The following TOPAZ1 variants were observed in gnomAD, a reference collection of about 807,000 sequenced individuals.
TOPAZ1 encodes protein TOPAZ1.
In TOPAZ1, 66 loss-of-function variants were observed where a neutral mutation model predicts 172.2. That is an observed-to-expected ratio of 0.38 (90% confidence interval 0.31 to 0.47). The LOEUF is 0.47. Ranked by LOEUF, TOPAZ1 falls within the 20% of genes least tolerant of loss-of-function variation. TOPAZ1 has a pLI of 0.99. For missense variants in TOPAZ1, 1,822 were observed against 1,972.4 expected (o/e 0.92, Z 1.44); for synonymous variants, 681 against 683.9 (o/e 1.00, Z 0.07).
intron 19 of TOPAZ1, among the ~76,000 whole-genome samples, chr3:44,331,582 C>T (rs531279638): frequency 4.6e-5 from 7 of 152,168 alleles, no homozygotes; most frequent in African/African-American, 7.2e-5. Flanking sequence ...CCAACCTGAG[C>T]GTCCAAAGCG....
At chr3:44,321,596 CA>C (rs1282628974) in intron 17 of TOPAZ1, among the ~76,000 whole-genome samples, 1 of 152,162 alleles carries the variant, frequency 6.6e-6, no homozygotes, top group Non-Finnish European at 1.5e-5. Flanking sequence ...ATGCCAAGTT[CA>C]AACGCCAATG....
intron 5 of TOPAZ1, among the ~76,000 whole-genome samples, chr3:44,263,344 A>G (rs765004986): frequency 3.9e-5 from 6 of 152,224 alleles, no homozygotes; most frequent in Non-Finnish European, 7.3e-5. Context: ...GTAATTGCAG[A>G]CTGCAAAGGT....
chr3:44,290,674 C>A, intron 11 of TOPAZ1, 97 bp from the exon 12 acceptor site: 1 of 681,424 alleles, frequency 1.5e-6, no homozygotes. Context: ...CCATGTTTCA[C>A]TTCTTCCATT....
At chr3:44,275,855 A>G (rs1699947775) in intron 8 of TOPAZ1, among the ~76,000 whole-genome samples, 1 of 151,964 alleles carries the variant, frequency 6.6e-6, no homozygotes, top group Non-Finnish European at 1.5e-5. Context: ...CATCCTCACC[A>G]ACATTTGTTA....
chr3:44,306,552 C>A, intron 15 of TOPAZ1, 126 bp downstream of exon 15: 1 of 530,752 alleles, frequency 1.9e-6, no homozygotes, highest in South Asian at 3.6e-5. Context: ...TAAAGTGGGA[C>A]CCAGACTAGT....
chr3:44,243,631 A>T lies in TOPAZ1; in HGVS notation c.1125A>T (p.Lys375Asn), dbSNP rs1394743726. Residue 375 changes from lysine to asparagine, a missense_variant, in exon 2 of 20, where the codon AAA becomes AAT. Physicochemically the swap from Lys to Asn is moderately conservative, Grantham distance 94. Transcript: ENST00000309765. ...MIADGKEAET[K>N]SPLNVLRKVS... ...CTGATGGTAAAGAAGCAGAGACTAA[A>T]AGTCCTTTAAATGTTTTGAGAAAAG... The T allele has an allele frequency of 6.5e-7, 1 of 1,550,024 alleles. No individual in the cohort carries two copies. The highest frequency in any genetic ancestry group is 8.7e-7 in the Non-Finnish European group (1 of 1,146,960).
rs1700335566 is a variant in TOPAZ1, at chr3:44,306,254, T to C, written c.4040-72T>C. ...GTCTTTATGGTAGTATCAATAATTCTGTATTAGTTTGCCTCTTCCATCATT... is the reference window on the plus strand; with the variant it reads ...GTCTTTATGGTAGTATCAATAATTCCGTATTAGTTTGCCTCTTCCATCATT... On this transcript the variant is annotated intron_variant, in intron 14 of 19. Coordinates refer to ENST00000309765, the MANE Select transcript of TOPAZ1 (RefSeq NM_001145030.2). 4 of 955,864 alleles carry C rather than the reference T, an allele frequency of 4.2e-6. No homozygotes were observed. The African/African-American group carries it at 6.5e-5, about 16-fold the overall frequency. The allele number at this position is 955,864 out of a possible 1,614,324, so 59.2% of individuals were successfully genotyped here. A position where few individuals can be genotyped will look rare whatever the true frequency, so the allele number is the denominator to read the frequency against.
Position 44,270,829 on chromosome 3 carries a change from T to C in TOPAZ1, c.3372+19T>C. 1 of 1,532,242 alleles carries C rather than the reference T, an allele frequency of 6.5e-7. No homozygotes were observed. Among genetic ancestry groups the C allele is most frequent in the Admixed American group, 2.1e-5 (1 of 46,858 alleles). 94.9% of individuals were successfully genotyped at this position (1,532,242 alleles called of 1,614,324 possible). A position where few individuals can be genotyped will look rare whatever the true frequency, so the allele number is the denominator to read the frequency against. ...TGAAAAGGTAAAACATATAAAGTCTTTAAAGTAGAGATTGTTTTAATAACT... is the reference window on the plus strand; with the variant it reads ...TGAAAAGGTAAAACATATAAAGTCTCTAAAGTAGAGATTGTTTTAATAACT... On this transcript the variant is annotated intron_variant, in intron 8 of 19. Coordinates refer to ENST00000309765, the MANE Select transcript of TOPAZ1 (RefSeq NM_001145030.2).
In TOPAZ1 at chr3:44,303,479, CTTTT is replaced by C. The variant is rs34565826; in HGVS notation, c.3798-517_3798-514del. 3.3e-3 allele frequency among the ~76,000 whole-genome samples: 360 copies of C among 109,918 alleles called. 2 individuals are homozygous for C. The highest frequency in any genetic ancestry group is 8.9e-3 in the African/African-American group (252 of 28,252). The allele number at this position is 109,918 out of a possible 152,430, so 72.1% of individuals were successfully genotyped here. ...TCTGATCTACCCAGATGCTTGCTTG[CTTTT>C]TTTTTTTTTTTTTTTTTTAGCATTT... On this transcript the variant is annotated intron_variant, in intron 12 of 19. Coordinates refer to ENST00000309765, the MANE Select transcript of TOPAZ1 (RefSeq NM_001145030.2).
intron 12 of TOPAZ1, among the ~76,000 whole-genome samples, chr3:44,292,805 T>C (rs182617880): frequency 2.6e-5 from 4 of 152,338 alleles, no homozygotes; most frequent in East Asian, 1.9e-4. Flanking sequence ...ATTCCAGAGC[T>C]TCTCTTCTGG....
At chr3:44,303,728 A>C (rs1398443437) in intron 12 of TOPAZ1, among the ~76,000 whole-genome samples, 1 of 151,756 alleles carries the variant, frequency 6.6e-6, no homozygotes, top group Non-Finnish European at 1.5e-5. Context: ...TTCTCCTTTT[A>C]GTCACAGTTA....
chr3:44,321,767 C>T (rs1700508000), intron 17 of TOPAZ1, among the ~76,000 whole-genome samples: 1 of 152,178 alleles, frequency 6.6e-6, no homozygotes, highest in African/African-American at 2.4e-5. Flanking sequence ...TTCATTTTTC[C>T]ACTTAATTCC....
rs771272686 is a variant in TOPAZ1 at position 44,243,914 on chromosome 3, G to A, written c.1408G>A (p.Asp470Asn). 50 of 1,552,300 alleles carry A rather than the reference G, an allele frequency of 3.2e-5. 1 individual carries two copies. The South Asian group carries it at 5.5e-4, about 17-fold the overall frequency. Reference sequence around the variant, plus strand: ...TATTGAAAGGAGATCTTCACGGGAAGACTTAAGAAGTGCATCTGAAGAATT... The same window carrying A: ...TATTGAAAGGAGATCTTCACGGGAAAACTTAAGAAGTGCATCTGAAGAATT... ...YHIERRSSREDLRSASEELKL... is the reference protein window; with the variant it reads ...YHIERRSSRENLRSASEELKL... The change falls in exon 2 of 20, where the codon GAC becomes AAC. Residue 470 changes from aspartate to asparagine, a missense_variant. By Grantham distance (23) the Asp-to-Asn change is conservative. Transcript: ENST00000309765.
At chr3:44,259,538 A>G (rs1699752567) in intron 4 of TOPAZ1, among the ~76,000 whole-genome samples, 1 of 152,178 alleles carries the variant, frequency 6.6e-6, no homozygotes, top group South Asian at 2.1e-4. Flanking sequence ...CTATTGATGG[A>G]CACTTGGTTT....
At chr3:44,242,816 T>TA in intron 1 of TOPAZ1, 37 bp from the exon 2 acceptor site, 1 of 1,426,440 alleles carries the variant, frequency 7.0e-7, no homozygotes, top group Non-Finnish European at 9.2e-7. Flanking sequence ...CTCCTCAATA[T>TA]AAAATCTTTT....
At chr3:44,253,317 C>G (rs898601106) in intron 2 of TOPAZ1, among the ~76,000 whole-genome samples, 5 of 152,130 alleles carry the variant, frequency 3.3e-5, no homozygotes, top group Admixed American at 2.0e-4. Flanking sequence ...ATAATTTGAT[C>G]ACATTTACTT....
intron 16 of TOPAZ1, among the ~76,000 whole-genome samples, chr3:44,315,806 C>T (rs1220131325): frequency 6.6e-6 from 1 of 152,188 alleles, no homozygotes; most frequent in African/African-American, 2.4e-5. Context: ...TCATTAACAC[C>T]TCTTTCTCAA....
chr3:44,267,111 C>T lies in TOPAZ1; in HGVS notation c.3135C>T (p.Asp1045=), dbSNP rs1406580960. 6 of 1,542,832 alleles carry T rather than the reference C, an allele frequency of 3.9e-6. No individual in the cohort carries two copies. The Admixed American group carries it at 1.0e-4, about 26-fold the overall frequency. Residue 1045 remains aspartate, a synonymous_variant, in exon 6 of 20, where the codon GAC becomes GAT. Coordinates refer to ENST00000309765, the MANE Select transcript of TOPAZ1 (RefSeq NM_001145030.2). ...TGAATCTAAGTGGTCGTCAAGAAGA[C>T]ACAATACTGAATACCTGGATGAATG... The part of the protein sequence containing the change: ...PPLNLSGRQE[D]TILNTWMNDF...
At position 44,276,640 on chromosome 3, in the gene TOPAZ1, TTTTTTTTTTTTTTC is replaced by T. The variant is rs1211745660; in HGVS notation, c.3373-5327_3373-5314del. Among the ~76,000 whole-genome samples the T allele has an allele frequency of 1.0e-4, 13 of 128,384 alleles. 1 individual carries two copies. Among genetic ancestry groups the T allele is most frequent in the African/African-American group, 3.4e-4 (12 of 35,276 alleles). The allele number at this position is 128,384 out of a possible 152,430, so 84.2% of individuals were successfully genotyped here. A position where few individuals can be genotyped will look rare whatever the true frequency, so the allele number is the denominator to read the frequency against. ...AGCTTTGTTCTTTTTTTTTTTTTTTTTTTTTTTTTTTTTCCAGAATTGCTTGGCCTATTCTGGCT... is the reference window on the plus strand; with the variant it reads ...AGCTTTGTTCTTTTTTTTTTTTTTTTCAGAATTGCTTGGCCTATTCTGGCT... On this transcript the variant is annotated intron_variant, in intron 8 of 19. Coordinates refer to ENST00000309765, the MANE Select transcript of TOPAZ1 (RefSeq NM_001145030.2).
Sources: gnomAD v4.1 joint callset for allele counts (sites outside exome capture counted in the v4.1 genomes callset) on GRCh38, gnomAD v4.1.1 for gene constraint, MANE v1.5 for transcripts, NCBI Gene and HGNC (gene_info 2026-07-23, HGNC 2026-07-21) for gene names.